CAMKK1: variants seen among roughly 807,000 people sequenced by gnomAD.
CAMKK1 encodes the protein calcium/calmodulin dependent protein kinase kinase 1, also known as calcium/calmodulin-dependent protein kinase kinase 1.
A neutral mutation model predicts 63.5 loss-of-function variants in CAMKK1; 20 were observed. The observed-to-expected ratio is 0.32, with a 90% CI of 0.22 to 0.46. The LOEUF is 0.46. Ranked by LOEUF, CAMKK1 falls within the 20% of genes least tolerant of loss-of-function variation. The pLI is 1.00. For synonymous variants in CAMKK1, 253 were observed against 269.0 expected (o/e 0.94, Z 0.58); for missense variants, 588 against 658.1 (o/e 0.89, Z 1.17).
chr17:3,867,446 T>C (rs1019741866), intron 14 of CAMKK1, among the ~76,000 whole-genome samples: 10 of 152,098 alleles, frequency 6.6e-5, no homozygotes, highest in African/African-American at 2.2e-4. Context: ...AAGCAGGCTC[T>C]GAGCTGGGAG....
At chr17:3,876,918 C>T (rs1416176641) in intron 9 of CAMKK1, among the ~76,000 whole-genome samples, 6 of 151,950 alleles carry the variant, frequency 3.9e-5, no homozygotes, top group East Asian at 1.9e-4. Context: ...CCACCACGCC[C>T]GGCTACTTTT....
chr17:3,891,544 G>A (rs1469360499), intron 1 of CAMKK1, among the ~76,000 whole-genome samples: 2 of 152,144 alleles, frequency 1.3e-5, no homozygotes, highest in African/African-American at 4.8e-5. Flanking sequence ...CGCCATGAGG[G>A]GACAGTGCTT....
chr17:3,889,194 G>A lies in CAMKK1; in HGVS notation c.-43-3464C>T, dbSNP rs2055792900. On this transcript the variant is annotated intron_variant, in intron 1 of 15. Coordinates refer to ENST00000348335, the MANE Select transcript of CAMKK1 (RefSeq NM_032294.3). This position sits in a 1 kb window ranked among gnomAD's most constrained non-coding sequence, Gnocchi z 5.2. ...TTCTGTGCCCCGGGCGGAAACCCAG[G>A]CCCATCTGGAGGCTCACACAGGGGG... Among the ~76,000 whole-genome samples, 1 of 152,070 alleles carries A rather than the reference G, an allele frequency of 6.6e-6. No individual in the cohort carries two copies. Among genetic ancestry groups the A allele is most frequent in the African/African-American group, 2.4e-5 (1 of 41,380 alleles).
intron 12 of CAMKK1, among the ~76,000 whole-genome samples, chr17:3,870,662 G>C (rs1225536812): frequency 2.0e-5 from 3 of 151,976 alleles, no homozygotes; most frequent in Non-Finnish European, 2.9e-5. Context: ...ACCACGCCCG[G>C]CCAAACCCCA....
Position 3,862,721 on chromosome 17 carries a change from C to T in CAMKK1, c.1446-438G>A, listed in dbSNP as rs1443484914. ...CTCAGCTCATTGCAACCTCTGCCTTCCAGGCTCAAGCGATCCTCCCACCTC... is the reference window on the plus strand; with the variant it reads ...CTCAGCTCATTGCAACCTCTGCCTTTCAGGCTCAAGCGATCCTCCCACCTC... On this transcript the variant is annotated intron_variant, in intron 15 of 15. Transcript: ENST00000348335. This position sits in a 1 kb window ranked among gnomAD's most constrained non-coding sequence, Gnocchi z 4.1. Among the ~76,000 whole-genome samples the T allele has an allele frequency of 2.0e-5, 3 of 152,232 alleles. No individual in the cohort carries two copies. Among genetic ancestry groups the T allele is most frequent in the Non-Finnish European group, 2.9e-5 (2 of 68,044 alleles).
rs193176176 is a variant in CAMKK1 at position 3,869,996 on chromosome 17, C to T, written c.1125-108G>A. 1.3e-3 allele frequency: 1,131 copies of T among 856,862 alleles called. 3 individuals are homozygous for T. The African/African-American group carries it at 0.014, about 11-fold the overall frequency. 53.1% of individuals were successfully genotyped at this position (856,862 alleles called of 1,614,324 possible). ...TCCCTCGGATGGGAAGACTGAGTTC[C>T]GGACAGCAGGCAGGAATTTCACAAC... is the stretch of plus-strand genomic sequence containing the variant. On this transcript the variant is annotated intron_variant, in intron 12 of 15. Coordinates refer to ENST00000348335, the MANE Select transcript of CAMKK1 (RefSeq NM_032294.3).
At position 3,890,284 on chromosome 17, in the gene CAMKK1, C is replaced by G. The variant is rs367659823; in HGVS notation, c.-44+2655G>C. 6.6e-6 allele frequency among the ~76,000 whole-genome samples: 1 copy of G among 152,144 alleles called. No individual in the cohort carries two copies. The highest frequency in any genetic ancestry group is 2.4e-5 in the African/African-American group (1 of 41,410). On this transcript the variant is annotated intron_variant, in intron 1 of 15. Coordinates refer to ENST00000348335, the MANE Select transcript of CAMKK1 (RefSeq NM_032294.3). The surrounding 1 kb of genome is among the most constrained non-coding windows in gnomAD (Gnocchi z 6.5). The stretch of plus-strand genomic sequence containing the variant: ...TGCTTGACGACTCCTGCTGTGAGGA[C>G]GCCCGCTCCCACCATCCCTGGGGAG...
chr17:3,876,180 C>T (rs1197998668), intron 10 of CAMKK1, 43 bp downstream of exon 10: 3 of 1,576,884 alleles, frequency 1.9e-6, no homozygotes, highest in African/African-American at 1.3e-5. Context: ...AGCTATTACG[C>T]CCCCCACTTG....
At chr17:3,871,555 A>C (rs567045494) in intron 12 of CAMKK1, among the ~76,000 whole-genome samples, 14 of 148,092 alleles carry the variant, frequency 9.5e-5, no homozygotes, top group Non-Finnish European at 1.6e-4. Context: ...ATGGGGTTTC[A>C]CCGTGTTAGC....
chr17:3,871,634 G>C (rs2054887546), intron 12 of CAMKK1, among the ~76,000 whole-genome samples: 1 of 147,956 alleles, frequency 6.8e-6, no homozygotes. Flanking sequence ...GGAATTACAG[G>C]TGTGAGCCGC....
intron 12 of CAMKK1, among the ~76,000 whole-genome samples, chr17:3,871,332 T>TG (rs538567517): frequency 0.093 from 9,762 of 104,728 alleles, 482 homozygotes; most frequent in East Asian, 0.23. Flanking sequence ...TGTTGTTTTT[T>TG]GTTTTTTTTT....
chr17:3,871,347 G>GTTTTTT (rs869219931), intron 12 of CAMKK1, among the ~76,000 whole-genome samples: 24 of 104,366 alleles, frequency 2.3e-4, no homozygotes, highest in Non-Finnish European at 2.7e-4. Flanking sequence ...TTTTTTTTTT[G>GTTTTTT]TTTTTTTTTT....
Position 3,885,367 on chromosome 17 carries a change from G to A in CAMKK1, c.321C>T (p.Pro107=). ...SHISPRAWRR[P]TIESHHVAIS... Reference sequence around the variant, plus strand: ...TGGCCACGTGGTGGGACTCGATGGTGGGCCTCCGCCAGGCCCGGGGGGAGA... The same window carrying A: ...TGGCCACGTGGTGGGACTCGATGGTAGGCCTCCGCCAGGCCCGGGGGGAGA... Residue 107 remains proline (P), a synonymous_variant, in exon 2 of 16, where the codon CCC becomes CCT. Transcript: ENST00000348335. 6.2e-7 allele frequency: 1 copy of A among 1,607,256 alleles called. No individual in the cohort carries two copies. Among genetic ancestry groups the A allele is most frequent in the Non-Finnish European group, 8.5e-7 (1 of 1,176,220 alleles).
chr17:3,880,054 C>T (rs777446706), intron 9 of CAMKK1: 18 of 413,546 alleles, frequency 4.4e-5, no homozygotes, highest in African/African-American at 1.0e-4. Flanking sequence ...CCCGTGGCAA[C>T]GCTAAGCTAG....
intron 2 of CAMKK1, 86 bp downstream of exon 2, chr17:3,885,242 C>T (rs1330606566): frequency 1.4e-5 from 19 of 1,402,390 alleles, no homozygotes; most frequent in South Asian, 3.0e-5. Flanking sequence ...GCTAGATAGC[C>T]GTGTGGCACA....
At chr17:3,891,106 G>A (rs986320703) in intron 1 of CAMKK1, among the ~76,000 whole-genome samples, 1 of 132,282 alleles carries the variant, frequency 7.6e-6, no homozygotes, top group African/African-American at 3.5e-5. Flanking sequence ...CTGGGGGCAA[G>A]GTTGGGGGGG....
intron 1 of CAMKK1, among the ~76,000 whole-genome samples, chr17:3,886,745 T>A (rs1173805322): frequency 1.3e-5 from 2 of 151,798 alleles, no homozygotes; most frequent in Non-Finnish European, 2.9e-5. Flanking sequence ...ATCAGGGAGG[T>A]GACCCCCAGC....
chr17:3,874,603 C>T (rs1567622651), intron 10 of CAMKK1, among the ~76,000 whole-genome samples: 1 of 149,452 alleles, frequency 6.7e-6, no homozygotes, highest in African/African-American at 2.5e-5. Flanking sequence ...AAACTCCTGA[C>T]CTCAGGTGAT....
intron 10 of CAMKK1, 69 bp from the exon 11 acceptor site, chr17:3,873,531 G>T: frequency 6.6e-7 from 1 of 1,507,284 alleles, no homozygotes; most frequent in Non-Finnish European, 9.2e-7. Flanking sequence ...GCTCCAGCGG[G>T]CTGCAGGAGA....
Sources: gnomAD v4.1 joint callset for allele counts (sites outside exome capture counted in the v4.1 genomes callset) on GRCh38, gnomAD v4.1.1 for gene constraint, Gnocchi (gnomAD v3.1) non-coding constraint, MANE v1.5 for transcripts, NCBI Gene and HGNC (gene_info 2026-07-23, HGNC 2026-07-21) for gene names.